Variants in UBE2U observed in about 807,000 individuals in gnomAD.
The protein encoded by UBE2U is ubiquitin-conjugating enzyme E2 U.
UBE2U carries 39 observed loss-of-function variants against 41.2 expected under a neutral mutation model. That is an observed-to-expected ratio of 0.95 (90% CI 0.73 to 1.24). UBE2U has a LOEUF of 1.24. Among genes scored for constraint, UBE2U ranks in the 50% most tolerant of loss-of-function variants. The pLI, the probability that UBE2U is intolerant of heterozygous loss-of-function variation, is 0.00. For missense variants in UBE2U, 336 were observed against 363.1 expected (o/e 0.93, Z 0.61); for synonymous variants, 107 against 117.8 (o/e 0.91, Z 0.60).
chr1:64,210,297 TTAACA>T (rs1443210402), intron 3 of UBE2U, among the ~76,000 whole-genome samples: 14 of 152,254 alleles, frequency 9.2e-5, no homozygotes, highest in African/African-American at 3.4e-4. Context: ...TCTTTCCAAC[TTAACA>T]TAACAGGACA....
At chr1:64,236,057 C>T (rs1395018000) in intron 7 of UBE2U, among the ~76,000 whole-genome samples, 4 of 152,134 alleles carry the variant, frequency 2.6e-5, no homozygotes, top group African/African-American at 9.7e-5. Flanking sequence ...ACCAGAGTTT[C>T]ATCCTGGGTC....
chr1:64,232,423 A>G (rs1644584478), intron 6 of UBE2U, 138 bp from the exon 7 acceptor site: 1 of 546,310 alleles, frequency 1.8e-6, no homozygotes, highest in East Asian at 3.0e-5. Flanking sequence ...ACAATTGTTA[A>G]AAATGCATGT....
intron 9 of UBE2U, among the ~76,000 whole-genome samples, chr1:64,265,238 C>T (rs895925280): frequency 6.6e-6 from 1 of 152,116 alleles, no homozygotes; most frequent in African/African-American, 2.4e-5. Flanking sequence ...TCACTGAAAA[C>T]ATTCAGTCTT....
intron 6 of UBE2U, among the ~76,000 whole-genome samples, chr1:64,226,887 T>G (rs1652909684): frequency 6.6e-6 from 1 of 152,152 alleles, no homozygotes. Flanking sequence ...ATGCATAAAC[T>G]CTAATCAAAA....
intron 5 of UBE2U, among the ~76,000 whole-genome samples, chr1:64,216,624 T>C (rs1652034371): frequency 6.6e-6 from 1 of 152,212 alleles, no homozygotes; most frequent in Non-Finnish European, 1.5e-5. Flanking sequence ...ATACCTTAAA[T>C]GTATCAGGGA....
intron 6 of UBE2U, among the ~76,000 whole-genome samples, chr1:64,221,116 G>A (rs770806614): frequency 7.0e-4 from 106 of 152,078 alleles, no homozygotes; most frequent in Non-Finnish European, 1.4e-3. Context: ...ACATGATCTC[G>A]CTTTTTTCTT....
chr1:64,211,139 T>C (rs150741977), intron 4 of UBE2U, among the ~76,000 whole-genome samples: 1 of 152,382 alleles, frequency 6.6e-6, no homozygotes, highest in African/African-American at 2.4e-5. Flanking sequence ...GGTTTTCTTT[T>C]GGTTCCTAAC....
At chr1:64,209,468 CTT>C (rs1466198056) in intron 3 of UBE2U, among the ~76,000 whole-genome samples, 1 of 152,168 alleles carries the variant, frequency 6.6e-6, no homozygotes, top group African/African-American at 2.4e-5. Context: ...AGGCAGGAAA[CTT>C]AGGCAGGCCT....
chr1:64,207,608 A>G (rs1651384962), intron 3 of UBE2U, among the ~76,000 whole-genome samples: 1 of 152,202 alleles, frequency 6.6e-6, no homozygotes, highest in Non-Finnish European at 1.5e-5. Context: ...CACTGGACAG[A>G]TTAACTTTTT....
At chr1:64,211,959 A>G (rs112345021) in intron 4 of UBE2U, among the ~76,000 whole-genome samples, 3 of 152,306 alleles carry the variant, frequency 2.0e-5, no homozygotes, top group African/African-American at 7.2e-5. Context: ...GTTTTTAAAT[A>G]TAGAATTATA....
At chr1:64,239,172 G>GAAGAAGAAGAA (rs1644779539) in intron 7 of UBE2U, among the ~76,000 whole-genome samples, 4 of 95,726 alleles carry the variant, frequency 4.2e-5, no homozygotes, top group African/African-American at 1.9e-4. Context: ...AGAAGAAGAA[G>GAAGAAGAAGAA]AAGAAGAAGA....
At chr1:64,221,018 T>C (rs1216281798) in intron 6 of UBE2U, 111 bp downstream of exon 6, 3 of 661,676 alleles carry the variant, frequency 4.5e-6, no homozygotes, top group Non-Finnish European at 7.3e-6. Context: ...TTTAGAAACA[T>C]CTTATAATAT....
At chr1:64,239,977 G>C (rs934070538) in intron 7 of UBE2U, among the ~76,000 whole-genome samples, 7 of 152,146 alleles carry the variant, frequency 4.6e-5, no homozygotes, top group Non-Finnish European at 1.0e-4. Context: ...CTAGTTTACA[G>C]TCCCACCAAC....
At chr1:64,239,059 A>AGAGGAAGAGGAAGAG (rs1557729275) in intron 7 of UBE2U, among the ~76,000 whole-genome samples, 6 of 93,338 alleles carry the variant, frequency 6.4e-5, no homozygotes, top group Admixed American at 6.3e-4. Context: ...AAGAAGAAGA[A>AGAGGAAGAGGAAGAG]GAAGAAGAGG....
intron 6 of UBE2U, among the ~76,000 whole-genome samples, chr1:64,229,871 T>G (rs1313881855): frequency 1.3e-5 from 2 of 152,324 alleles, no homozygotes; most frequent in East Asian, 3.9e-4. Context: ...ATTTTGTTGA[T>G]TTGACCCAAA....
chr1:64,221,929 A>T (rs547334171), intron 6 of UBE2U, among the ~76,000 whole-genome samples: 2 of 152,008 alleles, frequency 1.3e-5, no homozygotes, highest in African/African-American at 4.8e-5. Context: ...ACTAAAAAAT[A>T]CAAAAAAATT....
chr1:64,217,025 C>G (rs1436130266), intron 5 of UBE2U, among the ~76,000 whole-genome samples: 1 of 152,192 alleles, frequency 6.6e-6, no homozygotes, highest in Non-Finnish European at 1.5e-5. Flanking sequence ...CCCAGCTGAT[C>G]TTTCCTAAAA....
intron 9 of UBE2U, among the ~76,000 whole-genome samples, chr1:64,262,679 T>TATGTGA (rs1011007213): frequency 5.9e-5 from 9 of 152,192 alleles, no homozygotes; most frequent in Non-Finnish European, 1.3e-4. Flanking sequence ...GATGGAGTCA[T>TATGTGA]ATGTGATGTA....
At chr1:64,266,611 G>C (rs894242597) in intron 9 of UBE2U, among the ~76,000 whole-genome samples, 3 of 152,136 alleles carry the variant, frequency 2.0e-5, no homozygotes, top group African/African-American at 7.2e-5. Flanking sequence ...GTGCTTATAC[G>C]ATGTGTGCTG....
Sources: allele counts gnomAD v4.1 joint callset (sites outside exome capture counted in the v4.1 genomes callset), GRCh38; gene constraint gnomAD v4.1.1; transcripts MANE v1.5; gene names NCBI Gene and HGNC (gene_info 2026-07-23, HGNC 2026-07-21).